The following PGM3 variants were observed in gnomAD, a reference collection of about 807,000 sequenced individuals.
PGM3 encodes the protein phosphoglucomutase 3, also known as phosphoacetylglucosamine mutase.
A neutral mutation model predicts 66.2 loss-of-function variants in PGM3; 40 were observed. That is an observed-to-expected ratio of 0.60 (90% confidence interval 0.47 to 0.79). The LOEUF is 0.79. PGM3 is among the 30% of genes least tolerant of loss of function. The pLI is 0.00. For synonymous variants in PGM3, 191 were observed against 224.2 expected, an observed-to-expected ratio of 0.85 and a Z score of 1.32; for missense variants, 537 against 643.4, an observed-to-expected ratio of 0.83 and a Z score of 1.79.
intron 3 of PGM3, among the ~76,000 whole-genome samples, chr6:83,187,841 A>G (rs562475232): frequency 6.6e-6 from 1 of 152,314 alleles, no homozygotes; most frequent in African/African-American, 2.4e-5. Context: ...CCTTGTAGGA[A>G]AAAACGTTTC....
the PGM3 span, chr6:83,153,260 C>T: frequency 7.6e-6 from 2 of 262,232 alleles, no homozygotes; most frequent in Non-Finnish European, 1.4e-5. Context: ...TTCTTGAACT[C>T]TTTTCTTTTT....
intron 8 of PGM3, 47 bp downstream of exon 8, chr6:83,178,626 C>T: frequency 9.8e-7 from 1 of 1,015,696 alleles, no homozygotes; most frequent in Non-Finnish European, 1.6e-6. Context: ...CTCACAGAAA[C>T]ATGATCTTAA....
rs1415289451 is a variant in PGM3, at chr6:83,166,543, G to T, written c.*2691C>A. 2.2e-5 allele frequency: 14 copies of T among 636,948 alleles called. No homozygotes were observed. The highest frequency in any genetic ancestry group is 3.1e-5 in the Non-Finnish European group (11 of 356,704). The allele number at this position is 636,948 out of a possible 1,614,324, so 39.5% of individuals were successfully genotyped here. The stretch of plus-strand genomic sequence containing the variant: ...CCATAGTCTAAAATAAATATAAACA[G>T]CAATAAGTCATTAGCAAAAAAAAAG... On this transcript the variant is annotated 3_prime_UTR_variant, in exon 13 of 13. Coordinates refer to ENST00000513973, the MANE Select transcript of PGM3 (RefSeq NM_015599.3).
intron 9 of PGM3, 112 bp downstream of exon 9, chr6:83,175,850 C>T (rs1787724360): frequency 1.7e-6 from 1 of 605,708 alleles, no homozygotes; most frequent in South Asian, 2.2e-5. Flanking sequence ...CTTTTTGTCA[C>T]ATCCAATTAT....
the PGM3 span, among the ~76,000 whole-genome samples, chr6:83,155,475 A>G: frequency 1.3e-5 from 2 of 152,010 alleles, no homozygotes; most frequent in Admixed American, 6.6e-5. Flanking sequence ...GAAAAATACA[A>G]ATAAATTGCA....
In PGM3 at chr6:83,174,334, G is replaced by A. The variant is rs572160106; in HGVS notation, c.1242+40C>T. 4 of 1,043,020 alleles carry A rather than the reference G, an allele frequency of 3.8e-6. No individual in the cohort carries two copies. In the South Asian group the frequency reaches 5.2e-5, roughly 14 times the overall value. 64.6% of individuals were successfully genotyped at this position (1,043,020 alleles called of 1,614,324 possible). A position where few individuals can be genotyped will look rare whatever the true frequency, so the allele number is the denominator to read the frequency against. ...CTGTTCTGTCCATCTTCTGAATAAT[G>A]TAAAGGTAACCAAGAGTCCACTGCC... On this transcript the variant is annotated intron_variant, in intron 10 of 12. Coordinates refer to ENST00000513973, the MANE Select transcript of PGM3 (RefSeq NM_015599.3).
chr6:83,176,775 A>G (rs1190168383), intron 8 of PGM3, among the ~76,000 whole-genome samples: 1 of 152,362 alleles, frequency 6.6e-6, no homozygotes, highest in Non-Finnish European at 1.5e-5. Flanking sequence ...AGGGCTAAAA[A>G]TATTTCATCT....
intron 10 of PGM3, among the ~76,000 whole-genome samples, chr6:83,173,322 G>C (rs896038319): frequency 6.6e-6 from 1 of 152,128 alleles, no homozygotes; most frequent in Non-Finnish European, 1.5e-5. Flanking sequence ...TAGCTCTTGA[G>C]AAACTTGCCT....
chr6:83,172,862 T>TGATA (rs1326952801), intron 10 of PGM3, among the ~76,000 whole-genome samples: 1 of 152,186 alleles, frequency 6.6e-6, no homozygotes, highest in East Asian at 1.9e-4. Flanking sequence ...GCTTATTGAT[T>TGATA]GATAGCATAT....
Position 83,181,876 on chromosome 6 carries a change from A to G in PGM3, c.647T>C (p.Ile216Thr). 4 of 1,613,982 alleles carry G rather than the reference A, an allele frequency of 2.5e-6. No individual in the cohort carries two copies. The highest frequency in any genetic ancestry group is 3.4e-6 in the Non-Finnish European group (4 of 1,179,896). Residue 216 changes from isoleucine to threonine, a missense_variant, in exon 6 of 13, where the codon ATA becomes ACA. Physicochemically the swap from Ile to Thr is moderately conservative, Grantham distance 89. Transcript: ENST00000513973. ...CATTTCCCTTAGCTTCAGGGCCCCT[A>G]TGCCATTTGCACAGTCAACCTTAAG... ...RSLKVDCANG[I>T]GALKLREMEH...
chr6:83,157,115 G>A (rs186583773), downstream of PGM3: 49 of 1,519,336 alleles, frequency 3.2e-5, no homozygotes, highest in East Asian at 3.8e-4. Flanking sequence ...GTACTGGACC[G>A]ACAATATAGA....
At chr6:83,151,437 T>C in the PGM3 span, among the ~76,000 whole-genome samples, 1 of 152,212 alleles carries the variant, frequency 6.6e-6, no homozygotes, top group Non-Finnish European at 1.5e-5. Context: ...AGTATGTTTA[T>C]GAATGTCAGT....
chr6:83,177,131 GT>G (rs750567564), intron 8 of PGM3, among the ~76,000 whole-genome samples: 2 of 151,890 alleles, frequency 1.3e-5, no homozygotes, highest in Non-Finnish European at 2.9e-5. Flanking sequence ...ATACTGACCT[GT>G]TTTTAGCCCC....
At chr6:83,189,279 A>G (rs1349922009) in intron 2 of PGM3, among the ~76,000 whole-genome samples, 2 of 152,186 alleles carry the variant, frequency 1.3e-5, no homozygotes, top group Non-Finnish European at 2.9e-5. Context: ...CCAAGAACAC[A>G]CTAGCCAGCT....
Position 83,166,163 on chromosome 6 carries a change from G to A in PGM3, c.*3071C>T. 1 of 503,766 alleles carries A rather than the reference G, an allele frequency of 2.0e-6. No individual in the cohort carries two copies. Among genetic ancestry groups the A allele is most frequent in the Non-Finnish European group, 3.5e-6 (1 of 286,412 alleles). The allele number at this position is 503,766 out of a possible 1,614,324, so 31.2% of individuals were successfully genotyped here. On this transcript the variant is annotated 3_prime_UTR_variant, in exon 13 of 13. Coordinates refer to ENST00000513973, the MANE Select transcript of PGM3 (RefSeq NM_015599.3). The stretch of plus-strand genomic sequence containing the variant: ...AACGAATTTTTTTATTTTTCACTCA[G>A]CTCATGAGGCACCCATTTATTGAGC...
chr6:83,159,656 A>G, downstream of PGM3: 3 of 921,964 alleles, frequency 3.3e-6, no homozygotes, highest in South Asian at 1.6e-5. Flanking sequence ...GTGACATTTC[A>G]TCATGACCTT....
chr6:83,172,835 TA>T (rs1204028313), intron 10 of PGM3, among the ~76,000 whole-genome samples: 2 of 152,156 alleles, frequency 1.3e-5, no homozygotes, highest in African/African-American at 4.8e-5. Context: ...TGAATAAGTG[TA>T]AAAAAATGAT....
rs112271639 is a variant in PGM3 at position 83,174,503 on chromosome 6, A to G, written c.1129-16T>C. 17 of 1,377,106 alleles carry G rather than the reference A, an allele frequency of 1.2e-5. No homozygotes were observed. In the African/African-American group the frequency reaches 1.6e-4, roughly 13 times the overall value. 85.3% of individuals were successfully genotyped at this position (1,377,106 alleles called of 1,614,324 possible). A position where few individuals can be genotyped will look rare whatever the true frequency, so the allele number is the denominator to read the frequency against. ...TAAACAGTGCCTGCAGCAAAAGAATATAAAATCAGTCTCAAAACACTATCC... is the reference window on the plus strand; with the variant it reads ...TAAACAGTGCCTGCAGCAAAAGAATGTAAAATCAGTCTCAAAACACTATCC... On this transcript the variant is annotated splice_polypyrimidine_tract_variant and intron_variant, in intron 9 of 12. Coordinates refer to ENST00000513973, the MANE Select transcript of PGM3 (RefSeq NM_015599.3).
At position 83,187,062 on chromosome 6, in the gene PGM3, T is replaced by C; in HGVS notation, c.403A>G (p.Lys135Glu). The change falls in exon 4 of 13, where the codon AAA (lysine) becomes GAA (glutamate). Residue 135 changes from lysine to glutamate, a missense_variant. By Grantham distance (56) the Lys-to-Glu change is moderately conservative. Transcript: ENST00000513973. Reference sequence around the variant, plus strand: ...CCATCTATTACAGATTGTGAAAGTTTCTCACTGCTGGGCCTAGGAAAGAAA... The same window carrying C: ...CCATCTATTACAGATTGTGAAAGTTCCTCACTGCTGGGCCTAGGAAAGAAA... Reference protein sequence around the residue: ...IGRDTRPSSEKLSQSVIDGVT... With the variant: ...IGRDTRPSSEELSQSVIDGVT... 1 of 1,600,388 alleles carries C rather than the reference T, an allele frequency of 6.2e-7. No homozygotes were observed. Among genetic ancestry groups the C allele is most frequent in the Non-Finnish European group, 8.6e-7 (1 of 1,167,874 alleles).
Sources: allele counts gnomAD v4.1 joint callset (sites outside exome capture counted in the v4.1 genomes callset), GRCh38; gene constraint gnomAD v4.1.1; transcripts MANE v1.5; gene names NCBI Gene and HGNC (gene_info 2026-07-23, HGNC 2026-07-21).